The following SNRPN variants were observed in gnomAD, a reference collection of about 807,000 sequenced individuals.
The protein encoded by SNRPN is small nuclear ribonucleoprotein-associated protein N.
In SNRPN, 7 loss-of-function variants were observed where a neutral mutation model predicts 25.2. The ratio of observed to expected loss-of-function variants is 0.28; its 90% CI spans 0.16 to 0.52. The LOEUF (loss-of-function observed/expected upper bound fraction) is 0.52, where lower values mean the gene tolerates loss of function less well. SNRPN is among the 20% of genes least tolerant of loss of function. SNRPN has a pLI of 0.96. For missense variants in SNRPN, 196 were observed against 322.5 expected, an observed-to-expected ratio of 0.61 and a Z score of 3.00; for synonymous variants, 124 against 110.6, an observed-to-expected ratio of 1.12 and a Z score of -0.76.
At chr15:24,897,545 A>G (rs114401763) in intron 2 of SNRPN, among the ~76,000 whole-genome samples, 8,005 of 152,120 alleles carry the variant, frequency 0.053, 741 homozygotes, top group African/African-American at 0.18. Flanking sequence ...TGATCACACC[A>G]CTGCACTCCA....
At chr15:24,943,689 A>C (rs2061700135) in intron 3 of SNRPN, among the ~76,000 whole-genome samples, 1 of 152,168 alleles carries the variant, frequency 6.6e-6, no homozygotes, top group Non-Finnish European at 1.5e-5. Flanking sequence ...GTAGTTAACT[A>C]CAGAGGATAG....
chr15:24,889,463 C>T (rs1288676917), intron 2 of SNRPN, among the ~76,000 whole-genome samples: 3 of 151,802 alleles, frequency 2.0e-5, no homozygotes, highest in Non-Finnish European at 4.4e-5. Context: ...CCACCACGCC[C>T]AGCTAATTTT....
intron 1 of SNRPN, among the ~76,000 whole-genome samples, chr15:24,873,738 T>C (rs1487984077): frequency 1.3e-5 from 2 of 152,000 alleles, no homozygotes; most frequent in East Asian, 1.9e-4. Flanking sequence ...TGAGCCACCG[T>C]GCCTGGCCAA....
intron 1 of SNRPN, among the ~76,000 whole-genome samples, 198 bp downstream of exon 1, chr15:24,955,260 G>A (rs1338432559): frequency 1.3e-5 from 2 of 152,044 alleles, no homozygotes; most frequent in Non-Finnish European, 2.9e-5. Context: ...TATCCTGTCC[G>A]CTCGCATTGG....
intron 2 of SNRPN, among the ~76,000 whole-genome samples, chr15:24,898,881 A>G (rs1441340022): frequency 1.3e-5 from 2 of 152,198 alleles, no homozygotes; most frequent in African/African-American, 4.8e-5. Flanking sequence ...GAAGGCCCCA[A>G]GCTCTGGGAC....
chr15:24,897,848 A>G (rs2058175475), intron 2 of SNRPN, among the ~76,000 whole-genome samples: 1 of 152,178 alleles, frequency 6.6e-6, no homozygotes. Flanking sequence ...GCCATGTGGA[A>G]CTGTGAGTCC....
intron 3 of SNRPN, among the ~76,000 whole-genome samples, chr15:24,930,916 A>T (rs1238789896): frequency 1.3e-5 from 2 of 151,088 alleles, no homozygotes; most frequent in Non-Finnish European, 2.9e-5. Flanking sequence ...AAAAAAAAAA[A>T]TTAGCCAGGC....
At chr15:24,908,972 T>G (rs1167391698) in intron 2 of SNRPN, 2 of 1,383,440 alleles carry the variant, frequency 1.4e-6, no homozygotes, top group African/African-American at 2.9e-5. Flanking sequence ...GAAGCTTGCA[T>G]TCTTTTGAGC....
At chr15:24,900,500 C>A (rs1032235586) in intron 2 of SNRPN, among the ~76,000 whole-genome samples, 3 of 152,104 alleles carry the variant, frequency 2.0e-5, no homozygotes, top group African/African-American at 7.2e-5. Flanking sequence ...CTTTCCCTTG[C>A]ACAAAAGCTG....
chr15:24,892,664 G>T (rs2057770682), intron 2 of SNRPN, among the ~76,000 whole-genome samples: 1 of 151,794 alleles, frequency 6.6e-6, no homozygotes, highest in South Asian at 2.1e-4. Flanking sequence ...TTGAACCTGG[G>T]AGGTGGAAGC....
At chr15:24,879,162 C>T (rs1369244709) in intron 1 of SNRPN, among the ~76,000 whole-genome samples, 2 of 152,118 alleles carry the variant, frequency 1.3e-5, no homozygotes, top group Admixed American at 6.6e-5. Flanking sequence ...AGGCCGGGTG[C>T]GGTGGCTCAC....
At chr15:24,906,784 A>G (rs540950889) in intron 2 of SNRPN, among the ~76,000 whole-genome samples, 2 of 152,208 alleles carry the variant, frequency 1.3e-5, no homozygotes, top group African/African-American at 4.8e-5. Flanking sequence ...CTATTAACGA[A>G]ATTTTAGGTG....
chr15:24,853,343 C>T (rs1454199507), upstream of SNRPN, among the ~76,000 whole-genome samples: 1 of 152,008 alleles, frequency 6.6e-6, no homozygotes, highest in Non-Finnish European at 1.5e-5. Context: ...TTGACACTTC[C>T]TTCAACTTTC....
rs1173506368 is a variant in SNRPN at position 24,908,834 on chromosome 15, G to T, written c.-504-11177G>T. 6 of 555,196 alleles carry T rather than the reference G, an allele frequency of 1.1e-5. No individual in the cohort carries two copies. In the South Asian group the frequency reaches 1.1e-4, roughly 10 times the overall value. The allele number at this position is 555,196 out of a possible 1,614,324, so 34.4% of individuals were successfully genotyped here. Reference sequence around the variant, plus strand: ...TCTGGAAATCTTTCTCTAGAGTCTTGGAAAGCTTTTTAATCTTTTTTTCTT... The same window carrying T: ...TCTGGAAATCTTTCTCTAGAGTCTTTGAAAGCTTTTTAATCTTTTTTTCTT... On this transcript the variant is annotated intron_variant, in intron 2 of 11. Coordinates refer to the SNRPN transcript ENST00000400097.
intron 3 of SNRPN, among the ~76,000 whole-genome samples, chr15:24,934,291 C>G (rs1489461865): frequency 6.6e-6 from 1 of 151,946 alleles, no homozygotes; most frequent in African/African-American, 2.4e-5. Flanking sequence ...GAGTGAGACT[C>G]TGTCTCAAAA....
chr15:24,904,793 G>A (rs1042500149), intron 2 of SNRPN, among the ~76,000 whole-genome samples: 26 of 151,724 alleles, frequency 1.7e-4, no homozygotes, highest in African/African-American at 5.8e-4. Flanking sequence ...GTGAAACCTT[G>A]TCTCTACTAA....
intron 1 of SNRPN, among the ~76,000 whole-genome samples, chr15:24,869,187 G>A (rs1017375804): frequency 2.6e-5 from 4 of 152,052 alleles, no homozygotes; most frequent in Non-Finnish European, 5.9e-5. Context: ...CAACAATATT[G>A]ACAAGGTTTG....
At chr15:24,880,323 G>A (rs1354645909) in intron 1 of SNRPN, among the ~76,000 whole-genome samples, 1 of 152,130 alleles carries the variant, frequency 6.6e-6, no homozygotes, top group African/African-American at 2.4e-5. Context: ...TGGGAGGAAA[G>A]GGGGATTCTT....
intron 1 of SNRPN, among the ~76,000 whole-genome samples, chr15:24,882,988 A>G (rs1468136891): frequency 1.3e-5 from 2 of 152,114 alleles, no homozygotes; most frequent in Non-Finnish European, 2.9e-5. Flanking sequence ...ATTTTATAAT[A>G]AAGTGTTGAA....
Sources: allele counts gnomAD v4.1 joint callset (sites outside exome capture counted in the v4.1 genomes callset), GRCh38; gene constraint gnomAD v4.1.1; transcripts MANE v1.5; gene names NCBI Gene and HGNC (gene_info 2026-07-23, HGNC 2026-07-21).